The following ATP10A variants were observed in gnomAD, a reference collection of about 807,000 sequenced individuals.
ATP10A encodes the protein phospholipid-transporting ATPase VA.
Under a neutral mutation model 147.8 loss-of-function variants are expected in ATP10A, and 111 were observed. The ratio of observed to expected loss-of-function variants is 0.75; its 90% CI spans 0.64 to 0.88. ATP10A has a LOEUF of 0.88. Ranked by LOEUF, ATP10A falls within the 40% of genes least tolerant of loss-of-function variation. ATP10A has a pLI of 0.00. For synonymous variants in ATP10A, 875 were observed against 841.6 expected, an observed-to-expected ratio of 1.04 and a Z score of -0.69; for missense variants, 1,927 against 1,959.0, an observed-to-expected ratio of 0.98 and a Z score of 0.31.
At chr15:25,695,679 A>G (rs1240819696) in intron 13 of ATP10A, among the ~76,000 whole-genome samples, 1 of 151,862 alleles carries the variant, frequency 6.6e-6, no homozygotes, top group Non-Finnish European at 1.5e-5. Flanking sequence ...TTACTTGATC[A>G]CCCATGATAC....
chr15:25,698,630 C>A (rs529396227), intron 13 of ATP10A, among the ~76,000 whole-genome samples: 101 of 152,188 alleles, frequency 6.6e-4, no homozygotes, highest in African/African-American at 1.8e-3. Flanking sequence ...CTAACCCCTA[C>A]GTGTTCAAGG....
intron 1 of ATP10A, among the ~76,000 whole-genome samples, chr15:25,810,934 C>A (rs1001983503): frequency 3.9e-5 from 6 of 152,044 alleles, no homozygotes; most frequent in Non-Finnish European, 8.8e-5. Flanking sequence ...AAAGCCAGGA[C>A]GGTCTGATCT....
At chr15:25,824,473 C>CA (rs11376348) in intron 1 of ATP10A, among the ~76,000 whole-genome samples, 124,389 of 138,280 alleles carry the variant, frequency 0.9, 56,323 homozygotes, top group Middle Eastern at 0.96. Flanking sequence ...GACCCTGTCT[C>CA]AAAAAAAAAA....
At chr15:25,831,950 A>C (rs1892374520) in intron 1 of ATP10A, among the ~76,000 whole-genome samples, 1 of 152,206 alleles carries the variant, frequency 6.6e-6, no homozygotes, top group African/African-American at 2.4e-5. Flanking sequence ...TCTGAATGTC[A>C]CTTTATTTGG....
At chr15:25,780,529 C>T (rs943228761) in intron 2 of ATP10A, among the ~76,000 whole-genome samples, 1 of 152,204 alleles carries the variant, frequency 6.6e-6, no homozygotes, top group African/African-American at 2.4e-5. Context: ...TGCTTCCCTC[C>T]AGCCTCTCAC....
intron 2 of ATP10A, among the ~76,000 whole-genome samples, chr15:25,773,817 TCCAC>T (rs137891137): frequency 0.18 from 18,945 of 105,012 alleles, 1,256 homozygotes; most frequent in Admixed American, 0.25. Context: ...CACCTAAACA[TCCAC>T]ACACACACAC....
chr15:25,727,328 G>C (rs1902642156), intron 3 of ATP10A, 62 bp from the exon 4 acceptor site: 7 of 1,338,200 alleles, frequency 5.2e-6, no homozygotes, highest in South Asian at 4.7e-5. Flanking sequence ...GTCTGGAGCC[G>C]CAATGCCTTG....
chr15:25,745,289 G>A (rs1274188855), intron 2 of ATP10A, among the ~76,000 whole-genome samples: 1 of 152,010 alleles, frequency 6.6e-6, no homozygotes, highest in African/African-American at 2.4e-5. Context: ...GGAGGCGGAG[G>A]CTGCAGTAAG....
At chr15:25,797,253 TA>T (rs1288706469) in intron 1 of ATP10A, among the ~76,000 whole-genome samples, 1 of 152,220 alleles carries the variant, frequency 6.6e-6, no homozygotes, top group African/African-American at 2.4e-5. Context: ...TCACTGAACA[TA>T]ATGTTCTCCA....
Position 25,713,726 on chromosome 15 carries a change from G to A in ATP10A, c.2292C>T (p.Tyr764=), listed in dbSNP as rs548119503. Residue 764 remains tyrosine (Y), a synonymous_variant, in exon 10 of 21, where the codon TAC becomes TAT. Coordinates refer to ENST00000555815, the MANE Select transcript of ATP10A (RefSeq NM_024490.4). ...TGACCACTGAGTCGGCCCCCTTGGT[G>A]TAGACGTTGATCTCATCGGTAAGCG... ...RHPLTDEINV[Y]TKGADSVVMD... 195 of 1,614,174 alleles carry A rather than the reference G, an allele frequency of 1.2e-4. 2 individuals carry two copies. The South Asian group carries it at 1.8e-3, about 15-fold the overall frequency.
chr15:25,808,613 A>G (rs1217901893), intron 1 of ATP10A, among the ~76,000 whole-genome samples: 1 of 152,106 alleles, frequency 6.6e-6, no homozygotes, highest in Non-Finnish European at 1.5e-5. Context: ...CGAACTCCCA[A>G]CCTCAGGTGA....
intron 2 of ATP10A, among the ~76,000 whole-genome samples, chr15:25,757,271 T>C (rs1299434472): frequency 6.6e-6 from 1 of 152,138 alleles, no homozygotes; most frequent in Non-Finnish European, 1.5e-5. Flanking sequence ...ATGTTTCTAG[T>C]AATTATAAAA....
intron 1 of ATP10A, among the ~76,000 whole-genome samples, chr15:25,792,567 G>A (rs1293535040): frequency 2.0e-5 from 3 of 152,186 alleles, no homozygotes; most frequent in Non-Finnish European, 2.9e-5. Flanking sequence ...AAATGCTCCC[G>A]GGGGTTAGAT....
At position 25,862,924 on chromosome 15, in the gene ATP10A, T is replaced by C. The variant is rs1893836964; in HGVS notation, c.173A>G (p.His58Arg). 1.9e-6 allele frequency: 3 copies of C among 1,599,688 alleles called. No individual in the cohort carries two copies. The change falls in exon 1 of 21, where the codon CAC (histidine) becomes CGC (arginine). Residue 58 changes from histidine (H) to arginine (R), a missense_variant. Physicochemically the swap from His to Arg is conservative, Grantham distance 29 (BLOSUM62 0). Transcript: ENST00000555815. ...AGTCTTGAGCCGGTTGTCGGCCAGG[T>C]GCTGGGCACACCCGCGCCGCCGTCG... ...ERRRRRGCAQ[H>R]LADNRLKTTK...
At position 25,862,692 on chromosome 15, in the gene ATP10A, G is replaced by A. The variant is rs776618117; in HGVS notation, c.405C>T (p.Arg135=). The A allele has an allele frequency of 3.1e-6, 5 of 1,607,036 alleles. No homozygotes were observed. The highest frequency in any genetic ancestry group is 4.3e-6 in the Non-Finnish European group (5 of 1,175,750). The change falls in exon 1 of 21, where the codon CGC becomes CGT. Residue 135 remains arginine (R), a synonymous_variant. Coordinates refer to ENST00000555815, the MANE Select transcript of ATP10A (RefSeq NM_024490.4). ...CCAGGTGGTTGATCTTGTGGTCGGAGCGGTGGCGGCTGTAGTCCTCCCACA... is the reference window on the plus strand; with the variant it reads ...CCAGGTGGTTGATCTTGTGGTCGGAACGGTGGCGGCTGTAGTCCTCCCACA... The part of the protein sequence containing the change: ...RDLWEDYSRH[R]SDHKINHLGC...
At chr15:25,693,250 C>T (rs1596694519) in intron 14 of ATP10A, among the ~76,000 whole-genome samples, 1 of 152,018 alleles carries the variant, frequency 6.6e-6, no homozygotes, top group Admixed American at 6.6e-5. Flanking sequence ...CTCAAACTCC[C>T]GGGCTCAAGT....
At chr15:25,687,893 C>T in intron 15 of ATP10A, 65 bp from the exon 16 acceptor site, 1 of 1,605,782 alleles carries the variant, frequency 6.2e-7, no homozygotes, top group Admixed American at 1.7e-5. Context: ...GTCTTCTCTT[C>T]TCAAAATGCA....
downstream of ATP10A, among the ~76,000 whole-genome samples, chr15:25,674,185 C>G (rs1170385208): frequency 6.6e-6 from 1 of 152,160 alleles, no homozygotes; most frequent in Non-Finnish European, 1.5e-5. Context: ...AGAAGCTCAC[C>G]CAGGTCCCCT....
chr15:25,820,671 A>G lies in ATP10A; in HGVS notation c.450-39448T>C, dbSNP rs749978174. The stretch of plus-strand genomic sequence containing the variant: ...AAAAATGTTTTAAAAAGAGTACAAT[A>G]AAGGTCGAATTTTATGTGGTAAAGA... On this transcript the variant is annotated intron_variant, in intron 1 of 20. Coordinates refer to ENST00000555815, the MANE Select transcript of ATP10A (RefSeq NM_024490.4). Among the ~76,000 whole-genome samples, 225 of 152,330 alleles carry G rather than the reference A, an allele frequency of 1.5e-3. 1 individual carries two copies. The highest frequency in any genetic ancestry group is 1.7e-3 in the Non-Finnish European group (118 of 68,034).
Sources: gnomAD v4.1 joint callset for allele counts (sites outside exome capture counted in the v4.1 genomes callset) on GRCh38, gnomAD v4.1.1 for gene constraint, MANE v1.5 for transcripts, NCBI Gene and HGNC (gene_info 2026-07-23, HGNC 2026-07-21) for gene names.